KALRN: variants seen among roughly 807,000 people sequenced by gnomAD.
KALRN encodes kalirin RhoGEF kinase.
In KALRN, 70 loss-of-function variants were observed where a neutral mutation model predicts 353.7. That is an observed-to-expected ratio of 0.20 (90% CI 0.16 to 0.24). The LOEUF is 0.24. Among genes scored for constraint, KALRN ranks in the 10% least tolerant of loss-of-function variants. The pLI, the probability that KALRN is intolerant of heterozygous loss-of-function variation, is 1.00. For missense variants in KALRN, 2,791 were observed against 3,756.7 expected (o/e 0.74, Z 6.72); for synonymous variants, 1,391 against 1,434.8 (o/e 0.97, Z 0.69).
chr3:124,061,598 A>G (rs534882172), intron 1 of KALRN, among the ~76,000 whole-genome samples: 45 of 152,202 alleles, frequency 3.0e-4, no homozygotes, highest in Non-Finnish European at 5.9e-4. Flanking sequence ...TTTAATTTGA[A>G]AGCTTCCTTC....
At chr3:124,477,101 T>G in intron 26 of KALRN, 144 bp from the exon 27 acceptor site, 24 of 525,084 alleles carry the variant, frequency 4.6e-5, no homozygotes, top group East Asian at 9.2e-5. Context: ...GGGGGCTGGA[T>G]GAGCATAGAA....
chr3:124,400,853 T>C (rs2090767481), intron 13 of KALRN, among the ~76,000 whole-genome samples: 1 of 152,196 alleles, frequency 6.6e-6, no homozygotes, highest in Non-Finnish European at 1.5e-5. Flanking sequence ...GCTGTTGTAC[T>C]TCTTATTTAC....
chr3:124,252,840 T>A (rs1033039548), intron 3 of KALRN, among the ~76,000 whole-genome samples: 1 of 152,150 alleles, frequency 6.6e-6, no homozygotes, highest in Non-Finnish European at 1.5e-5. Context: ...ACCACCTCTC[T>A]CCTGCCTTCT....
chr3:124,722,827 C>T lies in KALRN; in HGVS notation c.*3357C>T, dbSNP rs1317755231. On this transcript the variant is annotated 3_prime_UTR_variant, in exon 60 of 60. Transcript: ENST00000682506. ...GGGAAAAACAAACAATGGTCAAGGT[C>T]ACAAGTTTCTTGCTTGGCTTTTATT... 1 of 152,136 alleles carries T rather than the reference C, an allele frequency of 6.6e-6. No homozygotes were observed. The highest frequency in any genetic ancestry group is 1.5e-5 in the Non-Finnish European group (1 of 68,030). The allele number at this position is 152,136 out of a possible 1,614,324, so 9.4% of individuals were successfully genotyped here.
At chr3:124,237,299 G>A (rs1297887887) in intron 3 of KALRN, among the ~76,000 whole-genome samples, 1 of 151,938 alleles carries the variant, frequency 6.6e-6, no homozygotes, top group Non-Finnish European at 1.5e-5. Flanking sequence ...ACAGGCTCTG[G>A]TTGTTGGAGG....
chr3:124,310,427 T>C (rs1308109131), intron 6 of KALRN, among the ~76,000 whole-genome samples: 1 of 152,160 alleles, frequency 6.6e-6, no homozygotes, highest in South Asian at 2.1e-4. Flanking sequence ...CTAAAATTCA[T>C]GTGGAATTTT....
chr3:124,135,977 C>T (rs2065874625), intron 1 of KALRN, among the ~76,000 whole-genome samples: 1 of 152,178 alleles, frequency 6.6e-6, no homozygotes. Context: ...ACAGATGGTG[C>T]AGCTGCTTGT....
At position 124,232,499 on chromosome 3, in the gene KALRN, G is replaced by C. The variant is rs191679840; in HGVS notation, c.149-2330G>C. 9.3e-4 allele frequency among the ~76,000 whole-genome samples: 142 copies of C among 152,260 alleles called. No individual in the cohort carries two copies. In the East Asian group the frequency reaches 0.016, roughly 17 times the overall value. On this transcript the variant is annotated intron_variant, in intron 2 of 59. Coordinates refer to ENST00000682506, the MANE Select transcript of KALRN (RefSeq NM_001388419.1). ...GGAGTTCAACAGCCTGCCTCAGAGA[G>C]GGGGGCAGCCCCATCTGCTGTGGGC...
chr3:124,567,690 C>G (rs1020285807), intron 34 of KALRN, among the ~76,000 whole-genome samples: 1 of 152,124 alleles, frequency 6.6e-6, no homozygotes, highest in East Asian at 1.9e-4. Flanking sequence ...CTGGATGCAC[C>G]TTAGAAACCA....
Position 124,713,148 on chromosome 3 carries a change from G to T in KALRN, c.8276+13G>T, listed in dbSNP as rs200169223. ...TGATCTTGGAACTGTAAGTACAGAC[G>T]CCATCTCTCTAAAGTCGCCTGCATC... On this transcript the variant is annotated intron_variant, in intron 58 of 59. Coordinates refer to ENST00000682506, the MANE Select transcript of KALRN (RefSeq NM_001388419.1). The T allele has an allele frequency of 3.1e-6, 5 of 1,602,626 alleles. No homozygotes were observed. Among genetic ancestry groups the T allele is most frequent in the South Asian group, 1.1e-5 (1 of 88,894 alleles).
intron 21 of KALRN, 30 bp downstream of exon 21, chr3:124,446,915 T>G (rs922900891): frequency 9.3e-6 from 15 of 1,613,110 alleles, no homozygotes; most frequent in Non-Finnish European, 1.3e-5. Context: ...CTCCCCCAGA[T>G]CCACCCAGAA....
intron 10 of KALRN, among the ~76,000 whole-genome samples, chr3:124,371,419 T>C (rs78351407): frequency 0.042 from 6,354 of 152,282 alleles, 190 homozygotes; most frequent in Middle Eastern, 0.099. Flanking sequence ...ATCTTCAACA[T>C]AGTGATTTCA....
chr3:124,068,041 T>C (rs567329189), intron 1 of KALRN, among the ~76,000 whole-genome samples: 27 of 152,332 alleles, frequency 1.8e-4, no homozygotes, highest in African/African-American at 6.0e-4. Context: ...GGGGCCCAGC[T>C]AGACTTACAC....
At position 124,669,208 on chromosome 3, in the gene KALRN, T is replaced by C. The variant is rs2086064151; in HGVS notation, c.6703+2025T>C. 1.3e-5 allele frequency among the ~76,000 whole-genome samples: 2 copies of C among 152,208 alleles called. 1 individual carries two copies. The highest frequency in any genetic ancestry group is 4.1e-4 in the South Asian group (2 of 4,826). ...GAAACAGGACTTGAATCCACAGCTA[T>C]AGGACTTCAAATTAAGGTTGTGAAC... is the stretch of plus-strand genomic sequence containing the variant. On this transcript the variant is annotated intron_variant, in intron 47 of 59. Coordinates refer to ENST00000682506, the MANE Select transcript of KALRN (RefSeq NM_001388419.1).
intron 25 of KALRN, among the ~76,000 whole-genome samples, chr3:124,465,142 G>A (rs1326959976): frequency 6.6e-6 from 1 of 151,888 alleles, no homozygotes; most frequent in Non-Finnish European, 1.5e-5. Context: ...AGGATCTGTG[G>A]GCTGTCTTTA....
chr3:124,568,474 T>C (rs1455106260), intron 34 of KALRN, among the ~76,000 whole-genome samples: 3 of 152,136 alleles, frequency 2.0e-5, no homozygotes, highest in Admixed American at 2.0e-4. Flanking sequence ...AATAAGATTA[T>C]CATATCATCT....
chr3:124,110,969 G>T (rs1229442045), intron 1 of KALRN, among the ~76,000 whole-genome samples: 3 of 152,168 alleles, frequency 2.0e-5, no homozygotes, highest in Non-Finnish European at 4.4e-5. Flanking sequence ...TTGCAGATTG[G>T]CAAATGCTCT....
intron 1 of KALRN, among the ~76,000 whole-genome samples, chr3:124,221,190 G>A (rs9823143): frequency 0.96 from 145,702 of 152,276 alleles, 70,047 homozygotes; most frequent in East Asian, 1. Flanking sequence ...CATCCATGAC[G>A]TACAGTTTGT....
intron 29 of KALRN, among the ~76,000 whole-genome samples, chr3:124,489,248 C>T: frequency 6.6e-6 from 1 of 151,850 alleles, no homozygotes; most frequent in Non-Finnish European, 1.5e-5. Flanking sequence ...CAGAGGTTGC[C>T]GTGAGCTGAG....
Sources: gnomAD v4.1 joint callset for allele counts (sites outside exome capture counted in the v4.1 genomes callset) on GRCh38, gnomAD v4.1.1 for gene constraint, MANE v1.5 for transcripts, NCBI Gene and HGNC (gene_info 2026-07-23, HGNC 2026-07-21) for gene names.